FAM228A: variants seen among roughly 807,000 people sequenced by gnomAD.
FAM228A encodes family with sequence similarity 228 member A, also known as protein FAM228A.
In FAM228A, 13 loss-of-function variants were observed where a neutral mutation model predicts 18.6. The observed-to-expected ratio is 0.70, with a 90% CI of 0.45 to 1.11. The LOEUF is 1.11. Among genes scored for constraint, FAM228A ranks in the 50% least tolerant of loss-of-function variants. FAM228A has a pLI of 0.00. For synonymous variants in FAM228A, 77 were observed against 86.6 expected (o/e 0.89, Z 0.61); for missense variants, 240 against 242.2 (o/e 0.99, Z 0.06).
chr2:24,189,909 G>A (rs1214619616), intron 5 of FAM228A, among the ~76,000 whole-genome samples: 3 of 152,096 alleles, frequency 2.0e-5, no homozygotes, highest in South Asian at 4.1e-4. Flanking sequence ...CAGGCTGCTC[G>A]GGGGACGGAC....
intron 2 of FAM228A, 109 bp downstream of exon 2, chr2:24,175,682 C>A: frequency 1.1e-6 from 1 of 882,072 alleles, no homozygotes; most frequent in Non-Finnish European, 1.8e-6. Context: ...ACAGTGCCTG[C>A]TTTAAAGCAG....
At chr2:24,188,237 G>C (rs1173821609) in intron 5 of FAM228A, among the ~76,000 whole-genome samples, 1 of 151,972 alleles carries the variant, frequency 6.6e-6, no homozygotes, top group East Asian at 1.9e-4. Context: ...TATAGATCTA[G>C]AATTTCTATT....
chr2:24,179,624 G>A (rs1274612707), intron 3 of FAM228A, among the ~76,000 whole-genome samples: 1 of 152,156 alleles, frequency 6.6e-6, no homozygotes, highest in Non-Finnish European at 1.5e-5. Flanking sequence ...TTCCTATTCT[G>A]TTCTGCTATC....
At chr2:24,183,238 A>C (rs776318477) in intron 3 of FAM228A, 47 bp from the exon 4 acceptor site, 10 of 1,320,126 alleles carry the variant, frequency 7.6e-6, no homozygotes, top group Middle Eastern at 1.8e-4. Context: ...TTAAAAGCTT[A>C]ATACAGACTG....
chr2:24,179,585 G>C (rs1266115408), intron 3 of FAM228A, among the ~76,000 whole-genome samples: 1 of 152,172 alleles, frequency 6.6e-6, no homozygotes, highest in African/African-American at 2.4e-5. Context: ...CTCGTGGTGG[G>C]TTCTGACAGC....
intron 3 of FAM228A, among the ~76,000 whole-genome samples, chr2:24,182,843 G>A (rs566356253): frequency 3.3e-5 from 5 of 152,122 alleles, no homozygotes; most frequent in African/African-American, 9.7e-5. Flanking sequence ...ACAGAAGTGC[G>A]TCTCTTCTAT....
At chr2:24,186,039 T>G (rs1291255433) in intron 5 of FAM228A, among the ~76,000 whole-genome samples, 1 of 152,216 alleles carries the variant, frequency 6.6e-6, no homozygotes, top group African/African-American at 2.4e-5. Context: ...TCTTTTTATT[T>G]TTTTGAGATG....
rs1422140011 is a variant in FAM228A at position 24,183,566 on chromosome 2, A to T, written c.322A>T (p.Thr108Ser). The change falls in exon 5 of 6, where the codon ACT (threonine) becomes TCT (serine). Residue 108 changes from threonine (T) to serine (S), a missense_variant. By Grantham distance (58) the Thr-to-Ser change is moderately conservative (BLOSUM62 1). Transcript: ENST00000295150. ...GCTGCATGCCAGCTCGCCCTACTTCACTTTCACTTCACACTGTGTGATTCC... is the reference window on the plus strand; with the variant it reads ...GCTGCATGCCAGCTCGCCCTACTTCTCTTTCACTTCACACTGTGTGATTCC... The part of the protein sequence containing the change: ...ARLHASSPYF[T>S]FTSHCVIPKE... 1 of 1,614,102 alleles carries T rather than the reference A, an allele frequency of 6.2e-7. No homozygotes were observed. The highest frequency in any genetic ancestry group is 1.7e-5 in the Admixed American group (1 of 60,006).
At chr2:24,183,148 T>C (rs1667854277) in intron 3 of FAM228A, 137 bp from the exon 4 acceptor site, 2 of 654,694 alleles carry the variant, frequency 3.1e-6, no homozygotes, top group Non-Finnish European at 5.4e-6. Flanking sequence ...TAGGTCGTTT[T>C]TCAACCCTCG....
At position 24,186,584 on chromosome 2, in the gene FAM228A, A is replaced by G. The variant is rs372125191; in HGVS notation, c.401+2939A>G. Among the ~76,000 whole-genome samples, 5 of 151,958 alleles carry G rather than the reference A, an allele frequency of 3.3e-5. No individual in the cohort carries two copies. In the East Asian group the frequency reaches 5.8e-4, roughly 18 times the overall value. ...TAGATTTTGACATATATTAATTTTTATGCATTTATTGATATTTAATTTTTT... is the reference window on the plus strand; with the variant it reads ...TAGATTTTGACATATATTAATTTTTGTGCATTTATTGATATTTAATTTTTT... On this transcript the variant is annotated intron_variant, in intron 5 of 5. Coordinates refer to ENST00000295150, the MANE Select transcript of FAM228A (RefSeq NM_001040710.3).
At chr2:24,187,808 A>G (rs1227023966) in intron 5 of FAM228A, among the ~76,000 whole-genome samples, 2 of 152,212 alleles carry the variant, frequency 1.3e-5, no homozygotes, top group African/African-American at 4.8e-5. Flanking sequence ...TTGAGAAGTC[A>G]CTTGCTAGTC....
intron 5 of FAM228A, 57 bp from the exon 6 acceptor site, chr2:24,190,355 G>C (rs748325941): frequency 1.4e-4 from 215 of 1,501,398 alleles, no homozygotes; most frequent in Non-Finnish European, 2.5e-5. Flanking sequence ...GAAACTATTT[G>C]ATGGTACAAT....
intron 2 of FAM228A, among the ~76,000 whole-genome samples, chr2:24,177,110 T>C (rs76855944): frequency 0.018 from 2,670 of 152,272 alleles, 88 homozygotes; most frequent in African/African-American, 0.059. Flanking sequence ...TATGAAGAGA[T>C]CTAGCAAAAG....
Position 24,190,654 on chromosome 2 carries a change from TCAGA to T in FAM228A, c.*27_*30del. On this transcript the variant is annotated 3_prime_UTR_variant, in exon 6 of 6. Coordinates refer to ENST00000295150, the MANE Select transcript of FAM228A (RefSeq NM_001040710.3). ...TGAGCCACCGCCACAGCCCTCCCTG[TCAGA>T]CAGGCACCCAAGGGCGGAGGAGGCA... 4 of 1,518,740 alleles carry T rather than the reference TCAGA, an allele frequency of 2.6e-6. No individual in the cohort carries two copies. Among genetic ancestry groups the T allele is most frequent in the Non-Finnish European group, 3.5e-6 (4 of 1,135,380 alleles). 94.1% of individuals were successfully genotyped at this position (1,518,740 alleles called of 1,614,324 possible).
At chr2:24,184,632 A>G in intron 5 of FAM228A, among the ~76,000 whole-genome samples, 1 of 152,114 alleles carries the variant, frequency 6.6e-6, no homozygotes, top group Non-Finnish European at 1.5e-5. Flanking sequence ...ATTATGAACA[A>G]TCCAGTTTGG....
At chr2:24,184,966 G>A (rs1250296738) in intron 5 of FAM228A, among the ~76,000 whole-genome samples, 3 of 151,940 alleles carry the variant, frequency 2.0e-5, no homozygotes, top group African/African-American at 7.3e-5. Context: ...GGGACTACAG[G>A]TGTGCGCCAC....
At chr2:24,185,171 A>G (rs2151046372) in intron 5 of FAM228A, among the ~76,000 whole-genome samples, 1 of 152,162 alleles carries the variant, frequency 6.6e-6, no homozygotes, top group African/African-American at 2.4e-5. Context: ...TACAGTTAGA[A>G]TTGCTTTTTG....
chr2:24,177,931 C>T, intron 3 of FAM228A, 61 bp downstream of exon 3: 2 of 1,024,828 alleles, frequency 2.0e-6, no homozygotes, highest in Non-Finnish European at 2.9e-6. Context: ...GTGTGCAGAA[C>T]AACATGGCCA....
In FAM228A at chr2:24,190,948, AT is replaced by A; in HGVS notation, c.*321del. 9.3e-7 allele frequency: 1 copy of A among 1,075,940 alleles called. No individual in the cohort carries two copies. Among genetic ancestry groups the A allele is most frequent in the Non-Finnish European group, 1.1e-6 (1 of 888,328 alleles). 66.6% of individuals were successfully genotyped at this position (1,075,940 alleles called of 1,614,324 possible). ...TTTGCCCTTCTGCCACTTTCCTACC[AT>A]TTTCCACTTACTCCATCCAAACTGC... On this transcript the variant is annotated 3_prime_UTR_variant, in exon 6 of 6. Transcript: ENST00000295150.
Sources: allele counts gnomAD v4.1 joint callset (sites outside exome capture counted in the v4.1 genomes callset), GRCh38; gene constraint gnomAD v4.1.1; transcripts MANE v1.5; gene names NCBI Gene and HGNC (gene_info 2026-07-23, HGNC 2026-07-21).